Variants in KIAA0825 observed in about 807,000 individuals in gnomAD.
KIAA0825 encodes the protein uncharacterized protein KIAA0825.
In KIAA0825, 119 loss-of-function variants were observed where a neutral mutation model predicts 147.6. The ratio of observed to expected loss-of-function variants is 0.81; its 90% CI spans 0.69 to 0.94. The LOEUF (loss-of-function observed/expected upper bound fraction) is 0.94. Among genes scored for constraint, KIAA0825 ranks in the 40% least tolerant of loss-of-function variants. The pLI, the probability that KIAA0825 is intolerant of heterozygous loss-of-function variation, is 0.00. For synonymous variants in KIAA0825, 470 were observed against 518.1 expected (o/e 0.91, Z 1.26); for missense variants, 1,381 against 1,472.7 (o/e 0.94, Z 1.02).
At chr5:94,607,464 C>T (rs967479414) in intron 1 of KIAA0825, among the ~76,000 whole-genome samples, 5 of 144,526 alleles carry the variant, frequency 3.5e-5, no homozygotes, top group Non-Finnish European at 7.6e-5. Context: ...CAAAAATTAT[C>T]TGTGCCTGGT....
chr5:94,521,816 C>T (rs573805760), intron 4 of KIAA0825, among the ~76,000 whole-genome samples: 1 of 151,692 alleles, frequency 6.6e-6, no homozygotes, highest in East Asian at 1.9e-4. Context: ...TTTATATTCT[C>T]TAGGTAGAAA....
At chr5:94,412,641 C>G (rs1247683861) in intron 15 of KIAA0825, among the ~76,000 whole-genome samples, 1 of 152,056 alleles carries the variant, frequency 6.6e-6, no homozygotes, top group Non-Finnish European at 1.5e-5. Flanking sequence ...CCTGGTGATC[C>G]ACCCACCTCG....
chr5:94,559,157 C>T (rs537777355), intron 2 of KIAA0825, among the ~76,000 whole-genome samples: 1 of 152,278 alleles, frequency 6.6e-6, no homozygotes, highest in South Asian at 2.1e-4. Flanking sequence ...TTCTTCCCTA[C>T]ACGTGTATTC....
chr5:94,326,994 T>C (rs1380853989), intron 20 of KIAA0825, among the ~76,000 whole-genome samples: 1 of 152,192 alleles, frequency 6.6e-6, no homozygotes, highest in Admixed American at 6.5e-5. Context: ...CCTGATCACA[T>C]GTTCCCACAC....
intron 20 of KIAA0825, among the ~76,000 whole-genome samples, chr5:94,326,070 T>C (rs961794476): frequency 1.3e-5 from 2 of 152,144 alleles, no homozygotes; most frequent in East Asian, 1.9e-4. Flanking sequence ...TTCACCTTTT[T>C]AAAGATATTA....
intron 1 of KIAA0825, among the ~76,000 whole-genome samples, chr5:94,597,037 A>G (rs1585001137): frequency 6.6e-6 from 1 of 152,168 alleles, no homozygotes; most frequent in South Asian, 2.1e-4. Flanking sequence ...GGATAGTAAG[A>G]CTTCCTCTCT....
intron 15 of KIAA0825, among the ~76,000 whole-genome samples, chr5:94,407,938 A>C (rs1752280890): frequency 6.6e-6 from 1 of 152,252 alleles, no homozygotes; most frequent in Admixed American, 6.5e-5. Flanking sequence ...TAATTAGAGC[A>C]GGGGTCAGAA....
intron 2 of KIAA0825, 46 bp from the exon 3 acceptor site, chr5:94,537,173 T>C (rs1487123410): frequency 3.9e-6 from 6 of 1,527,390 alleles, no homozygotes; most frequent in African/African-American, 2.8e-5. Flanking sequence ...TCCCCCACAA[T>C]GGCCAGGGAT....
At chr5:94,588,223 A>G (rs374531226) in intron 1 of KIAA0825, among the ~76,000 whole-genome samples, 2 of 152,256 alleles carry the variant, frequency 1.3e-5, no homozygotes, top group East Asian at 1.9e-4. Context: ...GCTTCTGCAC[A>G]GCAAAAGAAA....
chr5:94,541,134 T>C (rs1386846026), intron 2 of KIAA0825, among the ~76,000 whole-genome samples: 3 of 152,190 alleles, frequency 2.0e-5, no homozygotes, highest in Non-Finnish European at 4.4e-5. Context: ...AACTGCTTCA[T>C]AAAATGTCAC....
chr5:94,411,327 C>T (rs188124888), intron 15 of KIAA0825, among the ~76,000 whole-genome samples: 186 of 152,134 alleles, frequency 1.2e-3, no homozygotes, highest in African/African-American at 4.4e-3. Context: ...AAGCAAGTAA[C>T]AATATAAACC....
In KIAA0825 at chr5:94,384,452, G is replaced by A; in HGVS notation, c.3626C>T (p.Thr1209Ile). The A allele has an allele frequency of 1.3e-6, 2 of 1,551,064 alleles. No homozygotes were observed. Among genetic ancestry groups the A allele is most frequent in the Non-Finnish European group, 1.7e-6 (2 of 1,146,292 alleles). ...CTTTGCCCAATTCCAGTTCCATTTT[G>A]TGATGGCTGACTGTTGATAAATGAG... ...SENMLDQVSI[T>I]KWNWNWAKLL... is the part of the protein sequence containing the mutation. The change falls in exon 20 of 21, where the codon ACA becomes ATA. Residue 1209 changes from threonine to isoleucine, a missense_variant. Transcript: ENST00000682413.
At chr5:94,326,744 G>A (rs547221922) in intron 20 of KIAA0825, among the ~76,000 whole-genome samples, 91 of 152,216 alleles carry the variant, frequency 6.0e-4, no homozygotes, top group East Asian at 3.9e-4. Context: ...GACATCTGGC[G>A]GTCCTTAGGA....
At chr5:94,301,904 G>C (rs1342588692) in intron 20 of KIAA0825, among the ~76,000 whole-genome samples, 1 of 152,038 alleles carries the variant, frequency 6.6e-6, no homozygotes, top group Non-Finnish European at 1.5e-5. Flanking sequence ...AAATGAGCTG[G>C]TCTCCTTTTA....
intron 3 of KIAA0825, among the ~76,000 whole-genome samples, chr5:94,524,685 A>C (rs1768921643): frequency 6.6e-6 from 1 of 151,810 alleles, no homozygotes; most frequent in African/African-American, 2.4e-5. Context: ...AAACGACTGG[A>C]AGGAAATGAA....
At chr5:94,372,067 C>A (rs1562428970) in intron 20 of KIAA0825, among the ~76,000 whole-genome samples, 1 of 152,236 alleles carries the variant, frequency 6.6e-6, no homozygotes, top group Non-Finnish European at 1.5e-5. Flanking sequence ...CCAAAATGAT[C>A]TCCTTTGACT....
At chr5:94,440,578 C>A (rs1756950309) in intron 13 of KIAA0825, among the ~76,000 whole-genome samples, 1 of 152,026 alleles carries the variant, frequency 6.6e-6, no homozygotes, top group Admixed American at 6.6e-5. Flanking sequence ...GAAAAAAAAT[C>A]AAAGCTTCTG....
At chr5:94,406,229 G>A (rs1046250324) in intron 15 of KIAA0825, among the ~76,000 whole-genome samples, 3 of 152,068 alleles carry the variant, frequency 2.0e-5, no homozygotes, top group Admixed American at 6.6e-5. Context: ...CTGGCCTACC[G>A]CTGTATTTAA....
chr5:94,425,584 C>T (rs530227079), intron 14 of KIAA0825, among the ~76,000 whole-genome samples: 8 of 152,168 alleles, frequency 5.3e-5, no homozygotes, highest in African/African-American at 1.7e-4. Flanking sequence ...GCACTCTAGC[C>T]TAGGCAACAG....
Sources: gnomAD v4.1 joint callset for allele counts (sites outside exome capture counted in the v4.1 genomes callset) on GRCh38, gnomAD v4.1.1 for gene constraint, MANE v1.5 for transcripts, NCBI Gene and HGNC (gene_info 2026-07-23, HGNC 2026-07-21) for gene names.